AUTS2: variants seen among roughly 807,000 people sequenced by gnomAD.
The protein encoded by AUTS2 is activator of transcription and developmental regulator AUTS2.
In AUTS2, 17 loss-of-function variants were observed where a neutral mutation model predicts 112.4. That is an observed-to-expected ratio of 0.15 (90% CI 0.10 to 0.23). The LOEUF is 0.23. Ranked by LOEUF, AUTS2 falls within the 10% of genes least tolerant of loss-of-function variation. The pLI is 1.00. For synonymous variants in AUTS2, 751 were observed against 702.7 expected (o/e 1.07, Z -1.09); for missense variants, 1,510 against 1,701.6 (o/e 0.89, Z 1.98).
At chr7:70,206,398 A>G (rs1810577380) in intron 4 of AUTS2, among the ~76,000 whole-genome samples, 2 of 151,856 alleles carry the variant, frequency 1.3e-5, no homozygotes, top group African/African-American at 4.8e-5. Flanking sequence ...ATTTTACTTT[A>G]TTGTTACATC....
At chr7:70,646,428 G>A (rs181703510) in intron 5 of AUTS2, among the ~76,000 whole-genome samples, 13 of 152,150 alleles carry the variant, frequency 8.5e-5, no homozygotes, top group Admixed American at 6.5e-4. Flanking sequence ...AAGGTCAGCC[G>A]TCAAGCGTGC....
intron 2 of AUTS2, among the ~76,000 whole-genome samples, chr7:69,913,808 T>C (rs1045227079): frequency 6.6e-6 from 1 of 152,160 alleles, no homozygotes; most frequent in Non-Finnish European, 1.5e-5. Flanking sequence ...TTTCTTCAGC[T>C]TCATGTCATG....
At chr7:70,077,276 C>G (rs1055069281) in intron 2 of AUTS2, among the ~76,000 whole-genome samples, 1 of 152,156 alleles carries the variant, frequency 6.6e-6, no homozygotes, top group Non-Finnish European at 1.5e-5. Context: ...CTTATGGTCA[C>G]TAACAATTCT....
chr7:70,109,656 T>G (rs1051840158), intron 2 of AUTS2, among the ~76,000 whole-genome samples: 2 of 152,240 alleles, frequency 1.3e-5, no homozygotes, highest in Non-Finnish European at 2.9e-5. Context: ...CGTTTTATCA[T>G]GCAGATAAAG....
chr7:70,515,634 A>G (rs80342120), intron 5 of AUTS2, among the ~76,000 whole-genome samples: 1 of 151,706 alleles, frequency 6.6e-6, no homozygotes, highest in Non-Finnish European at 1.5e-5. Context: ...ACAGATCTTA[A>G]TTCTCCCTTT....
chr7:70,569,959 A>G (rs1234419978), intron 5 of AUTS2, among the ~76,000 whole-genome samples: 1 of 152,182 alleles, frequency 6.6e-6, no homozygotes, highest in East Asian at 1.9e-4. Context: ...TTCGGCAGCT[A>G]ACGAAGATGC....
At chr7:70,299,766 C>A (rs1415687820) in intron 4 of AUTS2, among the ~76,000 whole-genome samples, 1 of 151,842 alleles carries the variant, frequency 6.6e-6, no homozygotes, top group Non-Finnish European at 1.5e-5. Flanking sequence ...TTAATCCAGA[C>A]CTATAGAATC....
chr7:69,639,421 G>T (rs1794702620), intron 1 of AUTS2, among the ~76,000 whole-genome samples: 1 of 152,164 alleles, frequency 6.6e-6, no homozygotes, highest in African/African-American at 2.4e-5. Context: ...GAGGCTCTAA[G>T]GGACCTTTGT....
intron 4 of AUTS2, among the ~76,000 whole-genome samples, chr7:70,435,035 G>A (rs576331794): frequency 6.6e-6 from 1 of 152,262 alleles, no homozygotes; most frequent in South Asian, 2.1e-4. Flanking sequence ...ACCAAACTCA[G>A]TGGTTGGAAT....
At chr7:70,027,438 C>G (rs1391867650) in intron 2 of AUTS2, among the ~76,000 whole-genome samples, 1 of 152,126 alleles carries the variant, frequency 6.6e-6, no homozygotes, top group African/African-American at 2.4e-5. Context: ...GGGTTTGCCT[C>G]CATTACTAAG....
At chr7:69,779,179 G>A (rs530162482) in intron 1 of AUTS2, among the ~76,000 whole-genome samples, 3 of 151,660 alleles carry the variant, frequency 2.0e-5, no homozygotes, top group Non-Finnish European at 4.4e-5. Context: ...GTGAGCCACC[G>A]TGCCTGTTTG....
chr7:69,882,740 G>C (rs1794109886), intron 1 of AUTS2, among the ~76,000 whole-genome samples: 1 of 152,168 alleles, frequency 6.6e-6, no homozygotes, highest in Non-Finnish European at 1.5e-5. Flanking sequence ...ACAGGGTATT[G>C]TAGTAATTAA....
rs539605043 is a variant in AUTS2 at position 69,754,759 on chromosome 7, A to G, written c.310-144527A>G. On this transcript the variant is annotated intron_variant, in intron 1 of 18. Transcript: ENST00000342771. ...CATATCTTAGCTCATCTCATTCTCAAAACAGCAACAAGCGGAAGGTGTTAT... is the reference window on the plus strand; with the variant it reads ...CATATCTTAGCTCATCTCATTCTCAGAACAGCAACAAGCGGAAGGTGTTAT... Among the ~76,000 whole-genome samples, 3 of 152,292 alleles carry G rather than the reference A, an allele frequency of 2.0e-5. No homozygotes were observed. The South Asian group carries it at 6.2e-4, about 32-fold the overall frequency.
chr7:69,783,384 A>G lies in AUTS2; in HGVS notation c.310-115902A>G, dbSNP rs184700017. Among the ~76,000 whole-genome samples, 235 of 152,210 alleles carry G rather than the reference A, an allele frequency of 1.5e-3. 1 individual carries two copies. The highest frequency in any genetic ancestry group is 6.8e-3 in the Middle Eastern group (2 of 294). On this transcript the variant is annotated intron_variant, in intron 1 of 18. Coordinates refer to ENST00000342771, the MANE Select transcript of AUTS2 (RefSeq NM_015570.4). ...CCACATAGTTTGTACTGAGCTGGAC[A>G]CTGGCCATTTGAGTAGATGCTTGTT...
At chr7:69,789,265 T>TA (rs920851944) in intron 1 of AUTS2, among the ~76,000 whole-genome samples, 13 of 151,912 alleles carry the variant, frequency 8.6e-5, no homozygotes, top group Non-Finnish European at 1.5e-4. Flanking sequence ...TGGGGGCACT[T>TA]AAAAAAAATG....
At chr7:70,172,533 A>G (rs986652933) in intron 4 of AUTS2, among the ~76,000 whole-genome samples, 2 of 152,244 alleles carry the variant, frequency 1.3e-5, no homozygotes, top group African/African-American at 4.8e-5. Context: ...TATTTCATAT[A>G]ATCTAAACCC....
At chr7:70,459,853 C>G (rs983130980) in intron 5 of AUTS2, among the ~76,000 whole-genome samples, 2 of 152,190 alleles carry the variant, frequency 1.3e-5, no homozygotes, top group East Asian at 3.9e-4. Flanking sequence ...CAGAGCCAGA[C>G]TGTGGGGCAG....
At chr7:70,771,754 G>GTCCTAAGT in intron 11 of AUTS2, 110 bp downstream of exon 11, 1 of 852,394 alleles carries the variant, frequency 1.2e-6, no homozygotes, top group Non-Finnish European at 1.8e-6. Flanking sequence ...CATTAATCAG[G>GTCCTAAGT]TCCTAAGTGA....
At chr7:70,136,375 A>G (rs1450587802) in intron 4 of AUTS2, among the ~76,000 whole-genome samples, 1 of 152,192 alleles carries the variant, frequency 6.6e-6, no homozygotes, top group Non-Finnish European at 1.5e-5. Context: ...ATGTGTTTCC[A>G]ATAATGTGAT....
Sources: gnomAD v4.1 joint callset for allele counts (sites outside exome capture counted in the v4.1 genomes callset) on GRCh38, gnomAD v4.1.1 for gene constraint, MANE v1.5 for transcripts, NCBI Gene and HGNC (gene_info 2026-07-23, HGNC 2026-07-21) for gene names.